Variants in GCNA observed in about 807,000 individuals in gnomAD.
The protein encoded by GCNA is germ cell nuclear acidic peptidase.
Under a neutral mutation model 38.8 loss-of-function variants are expected in GCNA, and 3 were observed. The ratio of observed to expected loss-of-function variants is 0.08; its 90% CI spans 0.04 to 0.20. The LOEUF (loss-of-function observed/expected upper bound fraction) is 0.20, where lower values mean the gene tolerates loss of function less well. Among genes scored for constraint, GCNA ranks in the 10% least tolerant of loss-of-function variants. The pLI is 1.00. For missense variants in GCNA, 446 were observed against 578.6 expected (o/e 0.77, Z 2.35); for synonymous variants, 195 against 240.2 (o/e 0.81, Z 1.74).
At chrX:71,601,567 C>T (rs748284397) in intron 7 of GCNA, among the ~76,000 whole-genome samples, 30 of 108,611 alleles carry the variant, frequency 2.8e-4, no homozygotes, top group Non-Finnish European at 4.8e-4. Flanking sequence ...TTTTTTGCGA[C>T]GGAGTCTTGC....
intron 7 of GCNA, 132 bp downstream of exon 7, chrX:71,598,170 C>T (rs2040686355): frequency 1.1e-5 from 5 of 469,862 alleles, no homozygotes; most frequent in South Asian, 3.5e-5. Flanking sequence ...TTTCTTTCCT[C>T]GTATGTGCTG....
chrX:71,598,097 G>T (rs2040685864), intron 7 of GCNA, 59 bp downstream of exon 7: 18 of 882,110 alleles, frequency 2.0e-5, no homozygotes, highest in Non-Finnish European at 3.0e-5. Context: ...ATCACACGTG[G>T]TACTTTCAGG....
chrX:71,612,010 C>T lies in GCNA; in HGVS notation c.1751-345C>T, dbSNP rs145080556. ...GATTGGGGCCGGGTGTGGTGGCTCA[C>T]GCCTGTAATCCCAGCACTTAGGGAG... On this transcript the variant is annotated intron_variant, in intron 11 of 12. Coordinates refer to ENST00000373696, the MANE Select transcript of GCNA (RefSeq NM_052957.5). 5.9e-3 allele frequency among the ~76,000 whole-genome samples: 644 copies of T among 108,553 alleles called. 5 individuals are homozygous for T. Among genetic ancestry groups the T allele is most frequent in the African/African-American group, 0.021 (621 of 29,682 alleles). 94.3% of individuals were successfully genotyped at this position (108,553 alleles called of 115,157 possible).
intron 8 of GCNA, among the ~76,000 whole-genome samples, chrX:71,605,368 A>G (rs2040760764): frequency 8.9e-6 from 1 of 112,561 alleles, no homozygotes. Context: ...TCGACTGTGC[A>G]CGCTTCAGTT....
Position 71,592,124 on chromosome X carries a change from A to G in GCNA, c.62A>G (p.Tyr21Cys), listed in dbSNP as rs36115715. Residue 21 changes from tyrosine to cysteine, a missense_variant and splice_region_variant, in exon 3 of 13, where the codon TAC (tyrosine) becomes TGC (cysteine). Tyr to Cys is a radical substitution (Grantham distance 194). Transcript: ENST00000373696. ...LQEPEEDEDCYILNVQSSSDD... is the reference protein window; with the variant it reads ...LQEPEEDEDCCILNVQSSSDD... The stretch of plus-strand genomic sequence containing the variant: ...AAGTATCTCTTTTATTTTTGCAGTT[A>G]CATCCTTAATGTTCAGTCAAGCAGT... The G allele has an allele frequency of 6.2e-5, 75 of 1,201,607 alleles. No individual in the cohort carries two copies. The highest frequency in any genetic ancestry group is 6.6e-5 in the Admixed American group (3 of 45,312).
rs893752088 is a variant in GCNA, at chrX:71,608,314, C to T, written c.1467-659C>T. 7.1e-5 allele frequency among the ~76,000 whole-genome samples: 8 copies of T among 112,078 alleles called. No individual in the cohort carries two copies. In the Admixed American group the frequency reaches 7.5e-4, roughly 11 times the overall value. ...TTGAGACAGAGTCTCGCACTGTCGCCGAGGCTGGAGTGCAGTGGCGCGATC... is the reference window on the plus strand; with the variant it reads ...TTGAGACAGAGTCTCGCACTGTCGCTGAGGCTGGAGTGCAGTGGCGCGATC... On this transcript the variant is annotated intron_variant, in intron 9 of 12. Transcript: ENST00000373696.
At chrX:71,610,337 G>A (rs1287967996) in intron 10 of GCNA, among the ~76,000 whole-genome samples, 2 of 112,024 alleles carry the variant, frequency 1.8e-5, no homozygotes, top group African/African-American at 3.2e-5. Context: ...TTCTGGGCCC[G>A]GCGTGGTGGC....
chrX:71,580,763 T>C (rs1411272258), intron 1 of GCNA, 57 bp from the exon 2 acceptor site: 6 of 1,118,069 alleles, frequency 5.4e-6, no homozygotes, highest in Non-Finnish European at 7.2e-6. Flanking sequence ...CGTGAGCCAC[T>C]GCGCCCGGCC....
chrX:71,583,692 CTTTTTTTTTTT>C (rs753557808), intron 2 of GCNA, among the ~76,000 whole-genome samples: 72 of 72,622 alleles, frequency 9.9e-4, no homozygotes, highest in African/African-American at 3.6e-3. Context: ...CTATTATATT[CTTTTTTTTTTT>C]TTTTTTTTTT....
chrX:71,591,329 G>A (rs2040626987), intron 2 of GCNA, among the ~76,000 whole-genome samples: 1 of 109,336 alleles, frequency 9.1e-6, no homozygotes, highest in Non-Finnish European at 1.9e-5. Context: ...CTGCCACAGA[G>A]CAGCAGAGAG....
At chrX:71,591,300 T>C (rs768180558) in intron 2 of GCNA, among the ~76,000 whole-genome samples, 6 of 110,503 alleles carry the variant, frequency 5.4e-5, no homozygotes, top group African/African-American at 1.6e-4. Flanking sequence ...TGGTAAGTGA[T>C]AGCAAGAGGC....
At chrX:71,596,774 C>T (rs190370498) in intron 6 of GCNA, among the ~76,000 whole-genome samples, 1 of 111,231 alleles carries the variant, frequency 9.0e-6, no homozygotes, top group East Asian at 2.8e-4. Flanking sequence ...AGCCTGTAGG[C>T]AGGGCTGATA....
At chrX:71,582,672 A>C (rs2040555614) in intron 2 of GCNA, among the ~76,000 whole-genome samples, 1 of 111,983 alleles carries the variant, frequency 8.9e-6, no homozygotes, top group African/African-American at 3.2e-5. Flanking sequence ...CATATACATG[A>C]GTGCATAAAT....
chrX:71,583,987 C>T (rs937960059), intron 2 of GCNA, among the ~76,000 whole-genome samples: 1 of 105,739 alleles, frequency 9.5e-6, no homozygotes, highest in Non-Finnish European at 1.9e-5. Flanking sequence ...GGATTATAGG[C>T]ATGTGCCACC....
intron 9 of GCNA, among the ~76,000 whole-genome samples, chrX:71,606,556 G>T (rs1045671676): frequency 6.2e-5 from 7 of 112,114 alleles, no homozygotes; most frequent in Non-Finnish European, 1.3e-4. Flanking sequence ...ACAAGACAAA[G>T]AATGTATTTG....
intron 7 of GCNA, 52 bp downstream of exon 7, chrX:71,598,090 A>G: frequency 1.1e-6 from 1 of 928,991 alleles, no homozygotes; most frequent in Non-Finnish European, 1.5e-6. Context: ...AAGCCTCATC[A>G]CACGTGGTAC....
At chrX:71,579,846 T>G (rs2040532571) in intron 1 of GCNA, among the ~76,000 whole-genome samples, 1 of 101,668 alleles carries the variant, frequency 9.8e-6, no homozygotes. Flanking sequence ...ATGGTGGGGG[T>G]AGGGTCCAGA....
intron 2 of GCNA, among the ~76,000 whole-genome samples, chrX:71,582,371 TATTC>T (rs1367332835): frequency 6.1e-4 from 68 of 111,232 alleles, no homozygotes; most frequent in Non-Finnish European, 8.9e-4. Flanking sequence ...TGATAAATCT[TATTC>T]ATTTATTTTT....
Position 71,603,787 on chromosome X carries a change from C to T in GCNA, c.510C>T (p.Asp170=), listed in dbSNP as rs186995823. ...DDNSDDSEAP[D]DNSDDSEAPD... is the part of the protein sequence containing the mutation. Reference sequence around the variant, plus strand: ...ACAGTGATGATTCGGAAGCTCCCGACGACAACAGTGATGATTCGGAAGCTC... The same window carrying T: ...ACAGTGATGATTCGGAAGCTCCCGATGACAACAGTGATGATTCGGAAGCTC... Residue 170 remains aspartate, a synonymous_variant, in exon 8 of 13, where the codon GAC becomes GAT. Coordinates refer to ENST00000373696, the MANE Select transcript of GCNA (RefSeq NM_052957.5). 9.1e-6 allele frequency: 11 copies of T among 1,207,613 alleles called. No homozygotes were observed. The highest frequency in any genetic ancestry group is 4.4e-5 in the Admixed American group (2 of 45,543).
Sources: gnomAD v4.1 joint callset for allele counts (sites outside exome capture counted in the v4.1 genomes callset) on GRCh38, gnomAD v4.1.1 for gene constraint, MANE v1.5 for transcripts, NCBI Gene and HGNC (gene_info 2026-07-23, HGNC 2026-07-21) for gene names.